Variants in HEATR4 observed in about 807,000 individuals in gnomAD.
HEATR4 encodes HEAT repeat-containing protein 4.
In HEATR4, 95 loss-of-function variants were observed where a neutral mutation model predicts 108.8. That is an observed-to-expected ratio of 0.87 (90% CI 0.74 to 1.04). HEATR4 has a LOEUF of 1.04. Among genes scored for constraint, HEATR4 ranks in the 50% least tolerant of loss-of-function variants. HEATR4 has a pLI of 0.00. For synonymous variants in HEATR4, 443 were observed against 459.4 expected (o/e 0.96, Z 0.46); for missense variants, 1,152 against 1,253.8 (o/e 0.92, Z 1.23).
chr14:73,487,561 C>CT (rs1885499614), intron 17 of HEATR4, among the ~76,000 whole-genome samples: 1 of 152,064 alleles, frequency 6.6e-6, no homozygotes, highest in Non-Finnish European at 1.5e-5. Flanking sequence ...GAGCAAGACT[C>CT]TATCTCAAAA....
the HEATR4 span, among the ~76,000 whole-genome samples, chr14:73,590,491 C>T: frequency 6.6e-6 from 1 of 152,232 alleles, no homozygotes; most frequent in Non-Finnish European, 1.5e-5. Flanking sequence ...CTTCTCAGCC[C>T]TTGGGCGGTC....
the HEATR4 span, among the ~76,000 whole-genome samples, chr14:73,603,395 G>A: frequency 1.3e-5 from 2 of 151,582 alleles, no homozygotes; most frequent in East Asian, 1.9e-4. Flanking sequence ...TTGCTCTGTC[G>A]CCAGGCTGGA....
At chr14:73,526,512 C>T (rs1415686138) in intron 2 of HEATR4, among the ~76,000 whole-genome samples, 1 of 151,728 alleles carries the variant, frequency 6.6e-6, no homozygotes, top group Non-Finnish European at 1.5e-5. Flanking sequence ...GACAGGGCAG[C>T]TCAGGGAGAG....
At chr14:73,496,550 C>T in intron 15 of HEATR4, 51 bp downstream of exon 15, 1 of 1,135,570 alleles carries the variant, frequency 8.8e-7, no homozygotes, top group Non-Finnish European at 1.3e-6. Flanking sequence ...GTCTGAGGAA[C>T]TCTTGAGAGT....
chr14:73,515,015 C>T (rs1205300174), intron 5 of HEATR4, among the ~76,000 whole-genome samples: 3 of 150,706 alleles, frequency 2.0e-5, no homozygotes, highest in Non-Finnish European at 2.9e-5. Flanking sequence ...TTGCAGTGAG[C>T]TGAGATTGCA....
intron 17 of HEATR4, among the ~76,000 whole-genome samples, chr14:73,480,353 A>C (rs1440981500): frequency 6.6e-6 from 1 of 152,140 alleles, no homozygotes; most frequent in Non-Finnish European, 1.5e-5. Context: ...AGGCAGAAGA[A>C]TCGCTTGAAC....
chr14:73,562,595 T>G (rs576545774), upstream of HEATR4, among the ~76,000 whole-genome samples: 4 of 151,998 alleles, frequency 2.6e-5, 1 homozygote, highest in Non-Finnish European at 5.9e-5. Flanking sequence ...AGGAGAGATA[T>G]CACTAAATTA....
the HEATR4 span, chr14:73,569,821 C>T: frequency 1.5e-5 from 24 of 1,599,772 alleles, no homozygotes; most frequent in Non-Finnish European, 1.8e-5. Context: ...TTCCTCCCGC[C>T]CGGGGTGCGG....
the HEATR4 span, chr14:73,567,930 G>C: frequency 6.6e-6 from 1 of 152,128 alleles, no homozygotes; most frequent in Admixed American, 6.6e-5. Context: ...CTGAACATCA[G>C]AGGAAACAAA....
At chr14:73,580,063 A>C in the HEATR4 span, among the ~76,000 whole-genome samples, 3 of 152,012 alleles carry the variant, frequency 2.0e-5, no homozygotes, top group African/African-American at 7.2e-5. Flanking sequence ...GTGTTACTGC[A>C]CTCCAGCCTG....
the HEATR4 span, among the ~76,000 whole-genome samples, chr14:73,617,453 A>G: frequency 3.9e-5 from 6 of 152,148 alleles, no homozygotes; most frequent in African/African-American, 1.4e-4. Flanking sequence ...CCCTGTCTCA[A>G]AAAAAGTTTT....
At chr14:73,581,256 G>T in the HEATR4 span, 2 of 151,870 alleles carry the variant, frequency 1.3e-5, no homozygotes, top group Admixed American at 6.6e-5. Flanking sequence ...TTGGAAGCTA[G>T]GAAATCCAAG....
chr14:73,507,868 G>A (rs1003512925), intron 9 of HEATR4, among the ~76,000 whole-genome samples: 3 of 152,068 alleles, frequency 2.0e-5, no homozygotes, highest in South Asian at 2.1e-4. Context: ...TCAGCCTCCC[G>A]AGTAGCTGGG....
the HEATR4 span, among the ~76,000 whole-genome samples, chr14:73,572,304 G>T: frequency 1.3e-5 from 2 of 151,058 alleles, no homozygotes; most frequent in African/African-American, 4.9e-5. Flanking sequence ...TTGAACTACA[G>T]CTACAAGAAT....
chr14:73,512,243 G>T, intron 6 of HEATR4, 94 bp from the exon 7 acceptor site: 2 of 1,410,348 alleles, frequency 1.4e-6, no homozygotes, highest in Non-Finnish European at 1.9e-6. Context: ...CCTTCACCCA[G>T]AATAATTCAA....
At chr14:73,494,587 G>A (rs1219854955) in intron 16 of HEATR4, among the ~76,000 whole-genome samples, 1 of 152,134 alleles carries the variant, frequency 6.6e-6, no homozygotes, top group East Asian at 1.9e-4. Context: ...GTCCCACTTT[G>A]TTGCCCAGGC....
chr14:73,498,834 A>G (rs1252849536), intron 13 of HEATR4, among the ~76,000 whole-genome samples: 1 of 152,258 alleles, frequency 6.6e-6, no homozygotes, highest in Non-Finnish European at 1.5e-5. Context: ...TTCTGTTGGC[A>G]GGGACTGTCT....
intron 17 of HEATR4, among the ~76,000 whole-genome samples, chr14:73,482,954 C>A (rs1165589898): frequency 6.6e-6 from 1 of 152,126 alleles, no homozygotes; most frequent in Non-Finnish European, 1.5e-5. Flanking sequence ...AGGCACCCCA[C>A]CCAGCCAGAG....
At chr14:73,488,744 C>A (rs571888033) in intron 17 of HEATR4, among the ~76,000 whole-genome samples, 1 of 149,832 alleles carries the variant, frequency 6.7e-6, no homozygotes, top group South Asian at 2.1e-4. Context: ...AAGAGACAGT[C>A]GGGCACCGCG....
Sources: allele counts gnomAD v4.1 joint callset (sites outside exome capture counted in the v4.1 genomes callset), GRCh38; gene constraint gnomAD v4.1.1; transcripts MANE v1.5; gene names NCBI Gene and HGNC (gene_info 2026-07-23, HGNC 2026-07-21).